The following ATF7 variants were observed in gnomAD, a reference collection of about 807,000 sequenced individuals.
ATF7 encodes activating transcription factor 7.
In ATF7, 10 loss-of-function variants were observed where a neutral mutation model predicts 50.4. The observed-to-expected ratio is 0.20, with a 90% CI of 0.12 to 0.34. The LOEUF (loss-of-function observed/expected upper bound fraction) is 0.34. Among genes scored for constraint, ATF7 ranks in the 10% least tolerant of loss-of-function variants. The pLI is 1.00. For synonymous variants in ATF7, 201 were observed against 226.4 expected, an observed-to-expected ratio of 0.89 and a Z score of 1.01; for missense variants, 465 against 613.9, an observed-to-expected ratio of 0.76 and a Z score of 2.56.
chr12:53,587,309 G>A (rs1266151234), intron 2 of ATF7, among the ~76,000 whole-genome samples: 1 of 140,254 alleles, frequency 7.1e-6, no homozygotes, highest in Non-Finnish European at 1.5e-5. Flanking sequence ...GGAGGCTGCA[G>A]TTAGCCGAGT....
chr12:53,591,152 C>T (rs1942921408), intron 2 of ATF7, among the ~76,000 whole-genome samples: 1 of 152,112 alleles, frequency 6.6e-6, no homozygotes, highest in Non-Finnish European at 1.5e-5. Context: ...CTCTACTCTG[C>T]ACTCAATTTT....
intron 3 of ATF7, among the ~76,000 whole-genome samples, chr12:53,551,361 T>C (rs535258295): frequency 7.9e-5 from 12 of 152,318 alleles, no homozygotes; most frequent in Non-Finnish European, 4.4e-5. Context: ...AAGGTCTCTC[T>C]ATGCTGCTCA....
chr12:53,577,588 C>A (rs990034580), intron 2 of ATF7, among the ~76,000 whole-genome samples: 1 of 151,236 alleles, frequency 6.6e-6, no homozygotes, highest in African/African-American at 2.4e-5. Flanking sequence ...CAGTGGCGGG[C>A]GCCTGTAATC....
At chr12:53,603,039 C>T (rs7132466) in intron 1 of ATF7, among the ~76,000 whole-genome samples, 25,040 of 152,110 alleles carry the variant, frequency 0.16, 2,132 homozygotes, top group East Asian at 0.25. Flanking sequence ...TTTATTTCAA[C>T]GAGGTCCTCT....
At chr12:53,591,001 A>G (rs749294404) in intron 2 of ATF7, among the ~76,000 whole-genome samples, 3 of 152,178 alleles carry the variant, frequency 2.0e-5, no homozygotes, top group South Asian at 2.1e-4. Context: ...GGCAGTGAAC[A>G]CTAATGAAAA....
chr12:53,580,845 C>T (rs549228164), intron 2 of ATF7, among the ~76,000 whole-genome samples: 3 of 152,020 alleles, frequency 2.0e-5, no homozygotes, highest in African/African-American at 2.4e-5. Flanking sequence ...GGCATGGTGG[C>T]TCACACCTGT....
intron 1 of ATF7, among the ~76,000 whole-genome samples, chr12:53,601,266 T>C (rs1349397980): frequency 1.3e-5 from 2 of 152,212 alleles, no homozygotes; most frequent in Admixed American, 1.3e-4. Context: ...AAACCTTTGC[T>C]AGATTTTCCC....
intron 2 of ATF7, among the ~76,000 whole-genome samples, chr12:53,595,662 T>C (rs530734485): frequency 2.6e-5 from 4 of 152,082 alleles, no homozygotes; most frequent in Admixed American, 6.6e-5. Context: ...GCTTTGGAGG[T>C]TGGTTAAATG....
chr12:53,532,483 C>A, intron 8 of ATF7, 27 bp downstream of exon 8: 1 of 1,522,904 alleles, frequency 6.6e-7, no homozygotes, highest in Non-Finnish European at 9.0e-7. Context: ...GAAAGGCCAA[C>A]ATTGCCCCAG....
chr12:53,624,725 T>C (rs766022890), intron 1 of ATF7, among the ~76,000 whole-genome samples: 1 of 152,216 alleles, frequency 6.6e-6, no homozygotes, highest in Non-Finnish European at 1.5e-5. Context: ...ATAGCTTTAG[T>C]TTCTGAGTCT....
At chr12:53,587,790 G>A (rs1465284690) in intron 2 of ATF7, among the ~76,000 whole-genome samples, 1 of 131,602 alleles carries the variant, frequency 7.6e-6, no homozygotes, top group South Asian at 2.6e-4. Context: ...AGATTCTCTG[G>A]TCTCTTTTGA....
Position 53,543,441 on chromosome 12 carries a change from C to A in ATF7, c.153G>T (p.Thr51=), listed in dbSNP as rs754311671. 6.3e-7 allele frequency: 1 copy of A among 1,592,804 alleles called. No individual in the cohort carries two copies. Among genetic ancestry groups the A allele is most frequent in the Non-Finnish European group, 8.6e-7 (1 of 1,168,540 alleles). The change falls in exon 4 of 12, where the codon ACG becomes ACT. Residue 51 remains threonine, a synonymous_variant. Coordinates refer to ENST00000420353, the MANE Select transcript of ATF7 (RefSeq NM_006856.3). ...RTDSVIIADQ[T]PTPTRFLKNC... The stretch of plus-strand genomic sequence containing the variant: ...TCTTCAGGAATCTAGTTGGAGTAGG[C>A]GTTTGATCTGTAGACATGAAAGAAA...
chr12:53,518,180 A>G (rs1009921087), intron 11 of ATF7, among the ~76,000 whole-genome samples: 1 of 152,230 alleles, frequency 6.6e-6, no homozygotes, highest in Non-Finnish European at 1.5e-5. Context: ...CATTATTTTT[A>G]ATGTTCCTTT....
At chr12:53,609,336 T>C (rs1424675038) in intron 1 of ATF7, among the ~76,000 whole-genome samples, 3 of 151,944 alleles carry the variant, frequency 2.0e-5, no homozygotes, top group Non-Finnish European at 2.9e-5. Flanking sequence ...GTATTTTTAG[T>C]AGAGACGGGG....
rs912455230 is a variant in ATF7, at chr12:53,516,627, C to G, written c.*510G>C. 3.1e-5 allele frequency: 5 copies of G among 161,164 alleles called. No homozygotes were observed. Among genetic ancestry groups the G allele is most frequent in the Admixed American group, 2.9e-4 (5 of 17,208 alleles). 10.0% of individuals were successfully genotyped at this position (161,164 alleles called of 1,614,324 possible). ...AAAAAGGAAACGGGTAAATAAGCAGCTATGGGAGACCTGAGTCCTGAGTCC... is the reference window on the plus strand; with the variant it reads ...AAAAAGGAAACGGGTAAATAAGCAGGTATGGGAGACCTGAGTCCTGAGTCC... On this transcript the variant is annotated 3_prime_UTR_variant, in exon 12 of 12. Coordinates refer to ENST00000420353, the MANE Select transcript of ATF7 (RefSeq NM_006856.3).
At chr12:53,509,006 G>A (rs117796033), downstream of ATF7, among the ~76,000 whole-genome samples, 195 of 152,294 alleles carry the variant, frequency 1.3e-3, 2 homozygotes, top group East Asian at 0.028. Context: ...CTCAGGGAGA[G>A]GCCTTCAAAG....
chr12:53,536,045 T>G (rs1199020654), intron 5 of ATF7, among the ~76,000 whole-genome samples: 1 of 152,000 alleles, frequency 6.6e-6, no homozygotes, highest in Non-Finnish European at 1.5e-5. Flanking sequence ...AGATGACTTG[T>G]TACAGATGTA....
chr12:53,612,830 CCT>C (rs1943951303), intron 1 of ATF7, among the ~76,000 whole-genome samples: 1 of 152,048 alleles, frequency 6.6e-6, no homozygotes, highest in African/African-American at 2.4e-5. Flanking sequence ...ACTGTGAAAC[CCT>C]GTCTCTACTA....
chr12:53,620,554 C>G (rs1300374577), intron 1 of ATF7, among the ~76,000 whole-genome samples: 1 of 121,946 alleles, frequency 8.2e-6, no homozygotes, highest in African/African-American at 3.2e-5. Flanking sequence ...CCAGCCTGGG[C>G]GACAGAGCGA....
Sources: allele counts gnomAD v4.1 joint callset (sites outside exome capture counted in the v4.1 genomes callset), GRCh38; gene constraint gnomAD v4.1.1; transcripts MANE v1.5; gene names NCBI Gene and HGNC (gene_info 2026-07-23, HGNC 2026-07-21).